Variants in MYO10 observed in about 807,000 individuals in gnomAD.
MYO10 encodes the protein myosin X.
A neutral mutation model predicts 257.3 loss-of-function variants in MYO10; 133 were observed. That is an observed-to-expected ratio of 0.52 (90% CI 0.45 to 0.60). The LOEUF (loss-of-function observed/expected upper bound fraction) is 0.60, where lower values mean the gene tolerates loss of function less well. MYO10 is among the 20% of genes least tolerant of loss of function. The pLI, the probability that MYO10 is intolerant of heterozygous loss-of-function variation, is 0.00. For missense variants in MYO10, 2,399 were observed against 2,635.7 expected, an observed-to-expected ratio of 0.91 and a Z score of 1.97; for synonymous variants, 1,104 against 1,028.6, an observed-to-expected ratio of 1.07 and a Z score of -1.40.
intron 2 of MYO10, among the ~76,000 whole-genome samples, chr5:16,818,393 T>C (rs866564426): frequency 1.9e-5 from 2 of 107,760 alleles, no homozygotes; most frequent in Admixed American, 9.4e-5. Flanking sequence ...TGTGTGTGTG[T>C]GTGTGTGTGT....
intron 19 of MYO10, among the ~76,000 whole-genome samples, chr5:16,717,670 C>T (rs1738929727): frequency 6.6e-6 from 1 of 152,206 alleles, no homozygotes. Context: ...CAATCATCAG[C>T]GGACCATATC....
At chr5:16,739,234 C>T (rs979709724) in intron 19 of MYO10, among the ~76,000 whole-genome samples, 3 of 150,748 alleles carry the variant, frequency 2.0e-5, no homozygotes, top group Non-Finnish European at 4.4e-5. Flanking sequence ...ACCATTCAAT[C>T]CTCACACTAG....
intron 1 of MYO10, among the ~76,000 whole-genome samples, chr5:16,918,500 CTTTT>C (rs5866221): frequency 5.1e-5 from 6 of 117,694 alleles, no homozygotes; most frequent in Non-Finnish European, 1.7e-5. Context: ...TTTTTCTTTT[CTTTT>C]TTTTTTTTTT....
intron 1 of MYO10, among the ~76,000 whole-genome samples, chr5:16,889,468 A>G (rs1196612084): frequency 6.9e-6 from 1 of 145,372 alleles, no homozygotes; most frequent in Admixed American, 7.0e-5. Context: ...AGGGGAAGGG[A>G]AGAAAAGAAA....
intron 19 of MYO10, among the ~76,000 whole-genome samples, chr5:16,723,550 G>GGAAGACAGTTTCTTAAAAGCT (rs1475460523): frequency 1.3e-5 from 2 of 152,114 alleles, no homozygotes; most frequent in African/African-American, 4.8e-5. Flanking sequence ...CAGTCAATTT[G>GGAAGACAGTTTCTTAAAAGCT]GAAGACAGTT....
At position 16,710,900 on chromosome 5, in the gene MYO10, C is replaced by T; in HGVS notation, c.2169+8G>A. On this transcript the variant is annotated splice_region_variant and intron_variant, in intron 21 of 40. Transcript: ENST00000513610. ...TTCGGTGGGAGTTGCTCTTTCTCCG[C>T]ATCGTACCTTGGTCTTCCCCAGCTG... The T allele has an allele frequency of 6.2e-7, 1 of 1,611,486 alleles. No homozygotes were observed. Among genetic ancestry groups the T allele is most frequent in the Non-Finnish European group, 8.5e-7 (1 of 1,178,838 alleles).
At chr5:16,807,595 C>T (rs180835957) in intron 3 of MYO10, among the ~76,000 whole-genome samples, 1 of 152,128 alleles carries the variant, frequency 6.6e-6, no homozygotes, top group East Asian at 1.9e-4. Context: ...TGCTCTCGAC[C>T]GCCTTGCCAG....
chr5:16,766,056 G>C, intron 11 of MYO10, 24 bp downstream of exon 11: 1 of 1,548,154 alleles, frequency 6.5e-7, no homozygotes, highest in Non-Finnish European at 8.9e-7. Context: ...AGTAACGCAA[G>C]ATCAGATGGC....
intron 1 of MYO10, among the ~76,000 whole-genome samples, chr5:16,932,966 C>G (rs1242594366): frequency 6.6e-6 from 1 of 152,072 alleles, no homozygotes; most frequent in Admixed American, 6.5e-5. Context: ...ACCATGTTGC[C>G]CCGGCTGGTC....
intron 21 of MYO10, among the ~76,000 whole-genome samples, chr5:16,708,710 TGCCACCAC>T (rs1351661299): frequency 6.6e-6 from 1 of 152,150 alleles, no homozygotes; most frequent in Non-Finnish European, 1.5e-5. Context: ...TATAGGCACA[TGCCACCAC>T]GCCTGGCTAA....
chr5:16,730,333 G>T (rs1414700805), intron 19 of MYO10, among the ~76,000 whole-genome samples: 1 of 152,170 alleles, frequency 6.6e-6, no homozygotes, highest in Non-Finnish European at 1.5e-5. Flanking sequence ...GTTGGACTCT[G>T]CCTGGAGAGA....
At chr5:16,860,948 A>C (rs576039044) in intron 2 of MYO10, among the ~76,000 whole-genome samples, 1 of 152,300 alleles carries the variant, frequency 6.6e-6, no homozygotes, top group South Asian at 2.1e-4. Context: ...ACAATTTTTT[A>C]AGGCAATTAT....
chr5:16,746,842 G>C (rs1442340427), intron 19 of MYO10, among the ~76,000 whole-genome samples: 1 of 152,192 alleles, frequency 6.6e-6, no homozygotes, highest in Non-Finnish European at 1.5e-5. Flanking sequence ...TTGGAATTTA[G>C]ATTCTGTGAA....
intron 2 of MYO10, among the ~76,000 whole-genome samples, chr5:16,819,554 A>G (rs1391265513): frequency 6.6e-6 from 1 of 152,178 alleles, no homozygotes; most frequent in Admixed American, 6.5e-5. Context: ...AAACATCAAG[A>G]GATTTAAAAA....
rs967473509 is a variant in MYO10 at position 16,704,660 on chromosome 5, T to C, written c.2195A>G (p.Gln732Arg). 1.2e-6 allele frequency: 2 copies of C among 1,613,846 alleles called. No homozygotes were observed. Among genetic ancestry groups the C allele is most frequent in the African/African-American group, 2.7e-5 (2 of 74,938 alleles). ...TKVFLRESLEQKLEKRREEEV... is the reference protein window; with the variant it reads ...TKVFLRESLERKLEKRREEEV... ...CTCTTCCCTCCGCTTCTCCAGTTTC[T>C]GTTCCAAGGATTCTCGAAGAAAGAC... Residue 732 changes from glutamine to arginine, a missense_variant, in exon 22 of 41, where the codon CAG becomes CGG. Gln to Arg is a conservative substitution (Grantham distance 43). This residue lies in a region of MYO10 where 1,820 missense variants were observed against 1,939.4 expected (regional missense o/e 0.94). Coordinates refer to ENST00000513610, the MANE Select transcript of MYO10 (RefSeq NM_012334.3).
At chr5:16,687,976 A>G (rs776995075) in intron 28 of MYO10, among the ~76,000 whole-genome samples, 3 of 152,242 alleles carry the variant, frequency 2.0e-5, no homozygotes, top group Non-Finnish European at 4.4e-5. Flanking sequence ...TTGGAATCTG[A>G]AAAGGAATTT....
chr5:16,773,381 C>T (rs1470384306), intron 9 of MYO10, among the ~76,000 whole-genome samples: 1 of 152,100 alleles, frequency 6.6e-6, no homozygotes, highest in Non-Finnish European at 1.5e-5. Flanking sequence ...CTACACTGTG[C>T]AAAAGTTAAA....
chr5:16,767,561 A>G (rs1364593647), intron 10 of MYO10, among the ~76,000 whole-genome samples: 1 of 152,196 alleles, frequency 6.6e-6, no homozygotes, highest in East Asian at 1.9e-4. Flanking sequence ...CTGATTTGGA[A>G]AACAGTCTTT....
chr5:16,714,419 G>A (rs965899962), intron 19 of MYO10, among the ~76,000 whole-genome samples: 2 of 152,182 alleles, frequency 1.3e-5, no homozygotes, highest in Non-Finnish European at 2.9e-5. Context: ...TTCAAGATAA[G>A]AAGGAGTCAC....
Sources: gnomAD v4.1 joint callset for allele counts (sites outside exome capture counted in the v4.1 genomes callset) on GRCh38, gnomAD v4.1.1 for gene constraint, gnomAD v4.1.1 regional missense constraint, MANE v1.5 for transcripts, NCBI Gene and HGNC (gene_info 2026-07-23, HGNC 2026-07-21) for gene names.